Variants in SUPT7L observed in about 807,000 individuals in gnomAD.
The protein encoded by SUPT7L is STAGA complex 65 subunit gamma.
SUPT7L carries 15 observed loss-of-function variants against 35.7 expected under a neutral mutation model. That is an observed-to-expected ratio of 0.42 (90% CI 0.28 to 0.65). SUPT7L has a LOEUF of 0.65. SUPT7L is among the 30% of genes least tolerant of loss of function. SUPT7L has a pLI of 0.23. For missense variants in SUPT7L, 434 were observed against 522.2 expected (o/e 0.83, Z 1.65); for synonymous variants, 168 against 186.2 (o/e 0.90, Z 0.79).
rs993482692 is a variant in SUPT7L, at chr2:27,654,865, C to T, written c.982+500G>A. ...ACAGGCGTGAGCCACTGCGCCCAGC[C>T]GGAAGCCCTATTTCAATGTCTTTCA... On this transcript the variant is annotated intron_variant, in intron 5 of 5. Coordinates refer to ENST00000337768, the MANE Select transcript of SUPT7L (RefSeq NM_014860.3). 4.4e-4 allele frequency among the ~76,000 whole-genome samples: 67 copies of T among 152,140 alleles called. 1 individual carries two copies. The highest frequency in any genetic ancestry group is 2.6e-4 in the Admixed American group (4 of 15,276).
intron 1 of SUPT7L, among the ~76,000 whole-genome samples, chr2:27,662,630 C>T (rs1253379311): frequency 6.6e-6 from 1 of 152,220 alleles, no homozygotes; most frequent in African/African-American, 2.4e-5. Flanking sequence ...GTCTATGTCA[C>T]AGCAGTTATC....
the SUPT7L span, among the ~76,000 whole-genome samples, chr2:27,642,952 T>TACACACACACAC: frequency 3.2e-4 from 12 of 38,054 alleles, no homozygotes; most frequent in East Asian, 7.2e-3. Context: ...TTTATATATA[T>TACACACACACAC]ATATATACAC....
At chr2:27,642,876 T>C in the SUPT7L span, among the ~76,000 whole-genome samples, 3,868 of 151,796 alleles carry the variant, frequency 0.025, 411 homozygotes, top group Admixed American at 0.19. Context: ...GTTACACTTA[T>C]TTCTATCAGC....
the SUPT7L span, among the ~76,000 whole-genome samples, chr2:27,644,181 A>AAC: frequency 2.0e-5 from 3 of 152,268 alleles, no homozygotes; most frequent in East Asian, 5.8e-4. Flanking sequence ...TCCATCTTAA[A>AAC]AACAACAACA....
downstream of SUPT7L, among the ~76,000 whole-genome samples, chr2:27,649,511 T>C (rs1016597911): frequency 5.3e-5 from 8 of 152,094 alleles, no homozygotes; most frequent in Non-Finnish European, 1.2e-4. Context: ...CCCCCAAAAC[T>C]TCCTCATGCC....
At chr2:27,648,623 C>T (rs1040046616), downstream of SUPT7L, among the ~76,000 whole-genome samples, 18 of 152,226 alleles carry the variant, frequency 1.2e-4, no homozygotes, top group Admixed American at 4.6e-4. Flanking sequence ...ATGGACTGTG[C>T]GCAGAATCTA....
At position 27,662,307 on chromosome 2, in the gene SUPT7L, C is replaced by G. The variant is rs541667589; in HGVS notation, c.-89-26G>C. 1.2e-5 allele frequency: 14 copies of G among 1,149,034 alleles called. No homozygotes were observed. In the South Asian group the frequency reaches 1.6e-4, roughly 13 times the overall value. 71.2% of individuals were successfully genotyped at this position (1,149,034 alleles called of 1,614,324 possible). A position where few individuals can be genotyped will look rare whatever the true frequency, so the allele number is the denominator to read the frequency against. ...CTGAAGTGAGGAAGAGAAACAGAAG[C>G]AGAATATTTCAATATGAAACATGGT... On this transcript the variant is annotated intron_variant, in intron 1 of 5. Transcript: ENST00000337768.
the SUPT7L span, among the ~76,000 whole-genome samples, chr2:27,642,954 T>TACACACACACACACACACACACAC: frequency 4.3e-5 from 2 of 46,750 alleles, no homozygotes; most frequent in Non-Finnish European, 1.3e-4. Flanking sequence ...TATATATATA[T>TACACACACACACACACACACACAC]ATATACACAC....
chr2:27,649,328 C>T (rs1251370347), downstream of SUPT7L, among the ~76,000 whole-genome samples: 1 of 151,716 alleles, frequency 6.6e-6, no homozygotes, highest in Non-Finnish European at 1.5e-5. Context: ...AGCAAATCTC[C>T]TTATTCTTTA....
At chr2:27,649,266 AAC>A (rs1558494101), downstream of SUPT7L, among the ~76,000 whole-genome samples, 8 of 151,442 alleles carry the variant, frequency 5.3e-5, no homozygotes, top group African/African-American at 1.7e-4. Flanking sequence ...CAAACAAACA[AAC>A]AAAAAAACAC....
chr2:27,658,490 A>G (rs1307885835), intron 3 of SUPT7L, among the ~76,000 whole-genome samples: 8 of 152,230 alleles, frequency 5.3e-5, no homozygotes. Context: ...TAACTTAAGA[A>G]GCTTTTAATA....
At chr2:27,659,742 AACTT>A (rs941732914) in intron 3 of SUPT7L, among the ~76,000 whole-genome samples, 20 of 152,298 alleles carry the variant, frequency 1.3e-4, no homozygotes, top group African/African-American at 3.8e-4. Context: ...TGATGTCTGC[AACTT>A]ACTTTAAAAT....
At position 27,657,400 on chromosome 2, in the gene SUPT7L, G is replaced by A. The variant is rs1674851001; in HGVS notation, c.689C>T (p.Ser230Phe). The A allele has an allele frequency of 6.2e-7, 1 of 1,614,108 alleles. No individual in the cohort carries two copies. The highest frequency in any genetic ancestry group is 1.3e-5 in the African/African-American group (1 of 74,936). The change falls in exon 4 of 6, where the codon TCC becomes TTC. Residue 230 changes from serine to phenylalanine, a missense_variant. Ser to Phe is a radical substitution (Grantham distance 155). Around this residue, in one of 3 missense-constraint regions of SUPT7L, gnomAD observed 198 missense variants for 190.8 expected, o/e 1.04. Coordinates refer to ENST00000337768, the MANE Select transcript of SUPT7L (RefSeq NM_014860.3). The surrounding 1 kb of genome is among the most constrained non-coding windows in gnomAD (Gnocchi z 5.2). ...FHEVGIGSVLSLQKFWQHRIK... is the reference protein window; with the variant it reads ...FHEVGIGSVLFLQKFWQHRIK... ...GCGGTGCTGCCAGAACTTCTGGAGG[G>A]AGAGCACACTGCCAATACCCACTTC...
rs1242598938 is a variant in SUPT7L at position 27,652,174 on chromosome 2, T to A, written c.*1311A>T. Reference sequence around the variant, plus strand: ...AAAATAAATAAATAAATAAATAAATTAAAAAAAAGACTGTGACAGAAAGGG... The same window carrying A: ...AAAATAAATAAATAAATAAATAAATAAAAAAAAAGACTGTGACAGAAAGGG... On this transcript the variant is annotated 3_prime_UTR_variant, in exon 6 of 6. Coordinates refer to ENST00000337768, the MANE Select transcript of SUPT7L (RefSeq NM_014860.3). 6.6e-6 allele frequency: 1 copy of A among 151,308 alleles called. No homozygotes were observed. Among genetic ancestry groups the A allele is most frequent in the Non-Finnish European group, 1.5e-5 (1 of 67,896 alleles). 9.4% of individuals were successfully genotyped at this position (151,308 alleles called of 1,614,324 possible).
intron 2 of SUPT7L, chr2:27,661,883 G>T (rs1222674392): frequency 2.1e-6 from 1 of 470,518 alleles, no homozygotes; most frequent in Non-Finnish European, 3.8e-6. Flanking sequence ...AAGATAATAA[G>T]AAGTGGTTCT....
chr2:27,660,919 A>C, intron 3 of SUPT7L, 65 bp downstream of exon 3: 1 of 1,516,334 alleles, frequency 6.6e-7, no homozygotes, highest in Non-Finnish European at 8.9e-7. Flanking sequence ...ATGCTATTAT[A>C]GGCTTAACAG....
At chr2:27,647,881 G>A (rs563707015), downstream of SUPT7L, 15 of 1,613,778 alleles carry the variant, frequency 9.3e-6, no homozygotes, top group African/African-American at 9.3e-5. Context: ...ATCCTGACTC[G>A]AGGAACCTTG....
intron 3 of SUPT7L, among the ~76,000 whole-genome samples, chr2:27,659,915 C>T (rs1250340189): frequency 6.6e-6 from 1 of 152,120 alleles, no homozygotes; most frequent in East Asian, 1.9e-4. Context: ...TTGACTATTA[C>T]ACATTTCTGT....
At chr2:27,647,748 C>T, downstream of SUPT7L, 1 of 762,308 alleles carries the variant, frequency 1.3e-6, no homozygotes, top group Non-Finnish European at 2.3e-6. Context: ...TGAGCACTTT[C>T]ATCCTGCCAG....
Sources: gnomAD v4.1 joint callset for allele counts (sites outside exome capture counted in the v4.1 genomes callset) on GRCh38, gnomAD v4.1.1 for gene constraint, gnomAD v4.1.1 regional missense constraint, Gnocchi (gnomAD v3.1) non-coding constraint, MANE v1.5 for transcripts, NCBI Gene and HGNC (gene_info 2026-07-23, HGNC 2026-07-21) for gene names.